ATP5PF: variants seen among roughly 807,000 people sequenced by gnomAD.
The protein encoded by ATP5PF is ATP synthase peripheral stalk subunit F6.
In ATP5PF, 7 loss-of-function variants were observed where a neutral mutation model predicts 12.0. The ratio of observed to expected loss-of-function variants is 0.58; its 90% confidence interval spans 0.33 to 1.10. The LOEUF is 1.10. Among genes scored for constraint, ATP5PF ranks in the 50% least tolerant of loss-of-function variants. The pLI, the probability that ATP5PF is intolerant of heterozygous loss-of-function variation, is 0.03. For synonymous variants in ATP5PF, 41 were observed against 45.4 expected (o/e 0.90, Z 0.39); for missense variants, 120 against 127.7 (o/e 0.94, Z 0.29).
chr21:25,735,203 GCTCCCCTC>G (rs1489264919), upstream of ATP5PF: 2 of 594,372 alleles, frequency 3.4e-6, no homozygotes, highest in Non-Finnish European at 6.0e-6. Context: ...CCTAGTTCAA[GCTCCCCTC>G]CGAGTCAGCG....
chr21:25,732,274 C>T (rs1054644837), intron 1 of ATP5PF, among the ~76,000 whole-genome samples: 4 of 152,180 alleles, frequency 2.6e-5, no homozygotes, highest in Non-Finnish European at 5.9e-5. Context: ...GCCCTCCCAC[C>T]CCTAAGAATT....
At chr21:25,735,044 A>C (rs1343738697), upstream of ATP5PF, 9 of 1,371,750 alleles carry the variant, frequency 6.6e-6, no homozygotes, top group Non-Finnish European at 9.1e-6. Flanking sequence ...GGTGAGACAG[A>C]AGCCAAACAG....
intron 2 of ATP5PF, among the ~76,000 whole-genome samples, chr21:25,727,319 T>C (rs924126232): frequency 1.3e-5 from 2 of 152,242 alleles, no homozygotes; most frequent in Non-Finnish European, 2.9e-5. Context: ...ATGTAAGTCT[T>C]GCTGCTTATC....
intron 1 of ATP5PF, among the ~76,000 whole-genome samples, chr21:25,732,885 A>G (rs2034824763): frequency 7.0e-6 from 1 of 142,024 alleles, no homozygotes; most frequent in Non-Finnish European, 1.5e-5. Flanking sequence ...CAGGAGGCTG[A>G]GGCAGGAGAT....
intron 1 of ATP5PF, chr21:25,734,404 G>T (rs1407656259): frequency 2.0e-6 from 2 of 992,396 alleles, no homozygotes; most frequent in Non-Finnish European, 2.4e-6. Context: ...GTCGCCTAAT[G>T]AAGTGTTAGC....
At chr21:25,735,421 A>G, upstream of ATP5PF, 1 of 171,724 alleles carries the variant, frequency 5.8e-6, no homozygotes, top group Non-Finnish European at 1.3e-5. Context: ...GGGGCTTCTC[A>G]GCGCCGATTC....
At chr21:25,733,715 C>T (rs1014147498) in intron 1 of ATP5PF, among the ~76,000 whole-genome samples, 1 of 152,300 alleles carries the variant, frequency 6.6e-6, no homozygotes. Flanking sequence ...CATATATATC[C>T]TTTCCTTGTA....
At chr21:25,729,069 T>C (rs1281979845) in intron 2 of ATP5PF, among the ~76,000 whole-genome samples, 1 of 152,250 alleles carries the variant, frequency 6.6e-6, no homozygotes, top group Non-Finnish European at 1.5e-5. Context: ...ATTGTTTTTC[T>C]TGGACTTACA....
chr21:25,734,515 G>A (rs12482698), intron 1 of ATP5PF: 83,123 of 595,454 alleles, frequency 0.14, 6,400 homozygotes, highest in South Asian at 0.19. Flanking sequence ...GCTCCCGTGC[G>A]CCCGGGGCGG....
At chr21:25,733,664 C>T (rs1336820048) in intron 1 of ATP5PF, among the ~76,000 whole-genome samples, 5 of 152,196 alleles carry the variant, frequency 3.3e-5, no homozygotes, top group Admixed American at 3.3e-4. Flanking sequence ...AATAGGTTCA[C>T]CCGACATTTG....
chr21:25,732,904 C>T (rs1246942461), intron 1 of ATP5PF, among the ~76,000 whole-genome samples: 2 of 148,170 alleles, frequency 1.3e-5, no homozygotes, highest in African/African-American at 5.1e-5. Context: ...ATTCCTTGAA[C>T]CCAGGAGGCG....
upstream of ATP5PF, chr21:25,734,972 A>T: frequency 6.4e-7 from 1 of 1,565,648 alleles, no homozygotes; most frequent in Non-Finnish European, 8.6e-7. Flanking sequence ...CCGCCGTTTC[A>T]GTCGGTCGAC....
chr21:25,730,749 A>C (rs1410775225), intron 1 of ATP5PF, among the ~76,000 whole-genome samples: 5 of 79,320 alleles, frequency 6.3e-5, no homozygotes, highest in East Asian at 2.3e-3. Flanking sequence ...AAAAAAAAAA[A>C]AAAAAAAAAA....
chr21:25,735,023 G>T, upstream of ATP5PF: 1 of 1,513,464 alleles, frequency 6.6e-7, no homozygotes, highest in Non-Finnish European at 8.9e-7. Context: ...GTCTGCGACC[G>T]GACGGGTCTA....
intron 2 of ATP5PF, among the ~76,000 whole-genome samples, chr21:25,727,977 TAACA>T (rs2034661584): frequency 6.6e-6 from 1 of 152,186 alleles, no homozygotes; most frequent in African/African-American, 2.4e-5. Flanking sequence ...TTGGCAATGG[TAACA>T]CCTTTGTTAG....
At chr21:25,726,591 T>C (rs942240618) in intron 2 of ATP5PF, among the ~76,000 whole-genome samples, 3 of 152,200 alleles carry the variant, frequency 2.0e-5, no homozygotes, top group African/African-American at 7.2e-5. Context: ...CCCCAGATCA[T>C]GGGAGGCCCG....
upstream of ATP5PF, chr21:25,734,935 C>CT: frequency 6.4e-7 from 1 of 1,574,616 alleles, no homozygotes; most frequent in Non-Finnish European, 8.6e-7. Flanking sequence ...CCCCACACGC[C>CT]TACCCGCCAT....
At chr21:25,725,163 G>A (rs1568927746) in intron 3 of ATP5PF, 63 bp downstream of exon 3, 3 of 1,543,034 alleles carry the variant, frequency 1.9e-6, no homozygotes, top group Middle Eastern at 1.8e-4. Context: ...TAAAAATCCA[G>A]GTAAGTGTAA....
intron 2 of ATP5PF, among the ~76,000 whole-genome samples, chr21:25,726,864 A>C (rs1286205676): frequency 6.6e-6 from 1 of 152,254 alleles, no homozygotes; most frequent in African/African-American, 2.4e-5. Flanking sequence ...CCTATGATCA[A>C]AGTATACAGT....
Sources: allele counts gnomAD v4.1 joint callset (sites outside exome capture counted in the v4.1 genomes callset), GRCh38; gene constraint gnomAD v4.1.1; transcripts MANE v1.5; gene names NCBI Gene and HGNC (gene_info 2026-07-23, HGNC 2026-07-21).